The following TLN2 variants were observed in gnomAD, a reference collection of about 807,000 sequenced individuals.
TLN2 encodes the protein talin-2.
Under a neutral mutation model 294.7 loss-of-function variants are expected in TLN2, and 118 were observed. The ratio of observed to expected loss-of-function variants is 0.40; its 90% CI spans 0.34 to 0.47. The LOEUF (loss-of-function observed/expected upper bound fraction) is 0.47. Ranked by LOEUF, TLN2 falls within the 20% of genes least tolerant of loss-of-function variation. The probability of loss-of-function intolerance (pLI) is 0.84; values close to 1 mark genes in which losing one functional copy is unlikely to be tolerated. For missense variants in TLN2, 3,083 were observed against 3,282.2 expected, an observed-to-expected ratio of 0.94 and a Z score of 1.48; for synonymous variants, 1,431 against 1,304.5, an observed-to-expected ratio of 1.10 and a Z score of -2.09.
At chr15:62,452,462 C>T (rs771537523) in intron 1 of TLN2, among the ~76,000 whole-genome samples, 4 of 152,144 alleles carry the variant, frequency 2.6e-5, no homozygotes, top group South Asian at 2.1e-4. Flanking sequence ...AAACATAACA[C>T]GAAATTTACT....
chr15:62,570,092 T>C (rs914219433), intron 1 of TLN2, among the ~76,000 whole-genome samples: 1 of 152,212 alleles, frequency 6.6e-6, no homozygotes, highest in Non-Finnish European at 1.5e-5. Context: ...TTCTTAAGAC[T>C]CTTCAGGGCT....
intron 1 of TLN2, among the ~76,000 whole-genome samples, chr15:62,557,802 A>G (rs373584117): frequency 6.6e-6 from 1 of 152,160 alleles, no homozygotes; most frequent in African/African-American, 2.4e-5. Context: ...TGGCCTCCCA[A>G]AGTGTTGGGA....
At chr15:62,545,456 A>G (rs1344855880) in intron 1 of TLN2, among the ~76,000 whole-genome samples, 5 of 152,012 alleles carry the variant, frequency 3.3e-5, no homozygotes, top group Non-Finnish European at 7.4e-5. Flanking sequence ...GTGAGGCAGC[A>G]TCTTTTTAAC....
intron 1 of TLN2, among the ~76,000 whole-genome samples, chr15:62,582,016 C>T (rs577553518): frequency 6.6e-6 from 1 of 150,722 alleles, no homozygotes; most frequent in Non-Finnish European, 1.5e-5. Flanking sequence ...TGCACTCCAG[C>T]CTGGGCAAGA....
intron 2 of TLN2, among the ~76,000 whole-genome samples, chr15:62,605,405 A>G (rs1346518151): frequency 2.0e-5 from 3 of 152,206 alleles, no homozygotes; most frequent in African/African-American, 7.2e-5. Context: ...CATTTCCTGT[A>G]TTGGACACAG....
chr15:62,605,075 A>G (rs568499026), intron 2 of TLN2, among the ~76,000 whole-genome samples: 10 of 152,182 alleles, frequency 6.6e-5, no homozygotes, highest in Non-Finnish European at 1.0e-4. Context: ...TGAAAAGTGC[A>G]TTTTCATATA....
intron 19 of TLN2, among the ~76,000 whole-genome samples, 178 bp from the exon 20 acceptor site, chr15:62,706,907 GA>G (rs1466372123): frequency 6.6e-6 from 1 of 152,106 alleles, no homozygotes; most frequent in Non-Finnish European, 1.5e-5. Flanking sequence ...GAGTTATTAG[GA>G]TACAAGTCTC....
intron 11 of TLN2, among the ~76,000 whole-genome samples, chr15:62,684,622 C>T (rs908546532): frequency 4.0e-5 from 6 of 151,894 alleles, no homozygotes; most frequent in Admixed American, 3.3e-4. Flanking sequence ...ACCAGATGCC[C>T]ATGGTGAGGG....
At chr15:62,666,153 G>A (rs371789653) in intron 9 of TLN2, among the ~76,000 whole-genome samples, 2 of 152,248 alleles carry the variant, frequency 1.3e-5, no homozygotes, top group East Asian at 1.9e-4. Context: ...AAGGACATTT[G>A]GATTGGTTCA....
Position 62,647,353 on chromosome 15 carries a change from G to A in TLN2, c.43G>A (p.Val15Met), listed in dbSNP as rs1178050378. The change falls in exon 4 of 59, where the codon GTG (valine) becomes ATG (methionine). Residue 15 changes from valine to methionine, a missense_variant. By Grantham distance (21) the Val-to-Met change is conservative (BLOSUM62 1). Transcript: ENST00000636159. ...AAAGATTTGTGTGCGCCACTGCAAC[G>A]TGGTGAAGACCATGCAGTTTGAACC... Reference protein sequence around the residue: ...SLKICVRHCNVVKTMQFEPST... With the variant: ...SLKICVRHCNMVKTMQFEPST... 12 of 1,614,084 alleles carry A rather than the reference G, an allele frequency of 7.4e-6. No individual in the cohort carries two copies. The African/African-American group carries it at 8.0e-5, about 11-fold the overall frequency.
chr15:62,723,477 A>G (rs1404175917), intron 26 of TLN2, among the ~76,000 whole-genome samples: 1 of 148,268 alleles, frequency 6.7e-6, no homozygotes, highest in African/African-American at 2.5e-5. Flanking sequence ...GAAAGCAGTG[A>G]CCCCTAAAGT....
Position 62,841,501 on chromosome 15 carries a change from GCTGGTTT to G in TLN2, c.*895_*901del, listed in dbSNP as rs1409606301. On this transcript the variant is annotated 3_prime_UTR_variant, in exon 59 of 59. Coordinates refer to ENST00000636159, the MANE Select transcript of TLN2 (RefSeq NM_015059.3). ...TCAGTGACTCATCTTTAGGTCCCAC[GCTGGTTT>G]CTGTGCCTTCAGAATGGTCACAAGC... The G allele has an allele frequency of 3.3e-5, 5 of 152,104 alleles. No homozygotes were observed. The highest frequency in any genetic ancestry group is 1.5e-5 in the Non-Finnish European group (1 of 68,028). The allele number at this position is 152,104 out of a possible 1,614,324, so 9.4% of individuals were successfully genotyped here. A position where few individuals can be genotyped will look rare whatever the true frequency, so the allele number is the denominator to read the frequency against.
chr15:62,398,674 C>T (rs1445151480), intron 1 of TLN2, among the ~76,000 whole-genome samples: 1 of 152,174 alleles, frequency 6.6e-6, no homozygotes, highest in Non-Finnish European at 1.5e-5. Context: ...TCTTGCTATG[C>T]TTCAGCAAAG....
At chr15:62,746,347 A>G (rs955088641) in intron 32 of TLN2, among the ~76,000 whole-genome samples, 2 of 152,224 alleles carry the variant, frequency 1.3e-5, no homozygotes, top group Non-Finnish European at 2.9e-5. Flanking sequence ...ATTGAGGACT[A>G]CACCCTCCGC....
intron 1 of TLN2, among the ~76,000 whole-genome samples, chr15:62,531,642 A>G (rs1240720448): frequency 6.6e-6 from 1 of 152,248 alleles, no homozygotes; most frequent in Admixed American, 6.5e-5. Context: ...ATGACATCAC[A>G]TATACCCCAT....
Position 62,776,776 on chromosome 15 carries a change from C to T in TLN2, c.5380C>T (p.His1794Tyr). ...ATTCCCTTCTCAGGCACAACACACC[C>T]ATGACGCCATCACAGAGGCCGCCCA... Reference protein sequence around the residue: ...GGGNPKAQHTHDAITEAAQLM... With the variant: ...GGGNPKAQHTYDAITEAAQLM... Residue 1794 changes from histidine to tyrosine, a missense_variant, in exon 43 of 59, where the codon CAT becomes TAT. His to Tyr is a moderately conservative substitution (Grantham distance 83). Transcript: ENST00000636159. 3.8e-6 allele frequency: 6 copies of T among 1,572,018 alleles called. No individual in the cohort carries two copies. The highest frequency in any genetic ancestry group is 5.2e-6 in the Non-Finnish European group (6 of 1,156,144).
rs551662533 is a variant in TLN2, at chr15:62,567,692, G to C, written c.-237-21995G>C. On this transcript the variant is annotated intron_variant, in intron 1 of 58. Coordinates refer to ENST00000636159, the MANE Select transcript of TLN2 (RefSeq NM_015059.3). ...TCTACTAAAACTACAAAAATTACCC[G>C]GGCGTGATGGCGCGCGCCTGTAATC... Among the ~76,000 whole-genome samples the C allele has an allele frequency of 2.0e-5, 3 of 152,258 alleles. No individual in the cohort carries two copies. In the East Asian group the frequency reaches 5.8e-4, roughly 29 times the overall value.
At chr15:62,605,337 G>A (rs2047342484) in intron 2 of TLN2, among the ~76,000 whole-genome samples, 2 of 152,062 alleles carry the variant, frequency 1.3e-5, no homozygotes, top group Non-Finnish European at 2.9e-5. Context: ...TATTTTATAC[G>A]TAACATTTTA....
intron 7 of TLN2, 69 bp downstream of exon 7, chr15:62,653,383 T>G (rs2052821646): frequency 4.6e-6 from 7 of 1,526,738 alleles, no homozygotes; most frequent in Non-Finnish European, 5.3e-6. Context: ...CCTCCCACCA[T>G]CCATATGACC....
Sources: gnomAD v4.1 joint callset for allele counts (sites outside exome capture counted in the v4.1 genomes callset) on GRCh38, gnomAD v4.1.1 for gene constraint, MANE v1.5 for transcripts, NCBI Gene and HGNC (gene_info 2026-07-23, HGNC 2026-07-21) for gene names.